ZNF609: variants seen among roughly 807,000 people sequenced by gnomAD.
The protein encoded by ZNF609 is zinc finger protein 609.
In ZNF609, 11 loss-of-function variants were observed where a neutral mutation model predicts 109.5. That is an observed-to-expected ratio of 0.10 (90% CI 0.06 to 0.17). ZNF609 has a LOEUF of 0.17. Ranked by LOEUF, ZNF609 falls within the 10% of genes least tolerant of loss-of-function variation. The pLI, the probability that ZNF609 is intolerant of heterozygous loss-of-function variation, is 1.00. For synonymous variants in ZNF609, 646 were observed against 662.0 expected, an observed-to-expected ratio of 0.98 and a Z score of 0.37; for missense variants, 1,559 against 1,772.4, an observed-to-expected ratio of 0.88 and a Z score of 2.16.
At chr15:64,673,778 A>C in intron 4 of ZNF609, 138 bp from the exon 5 acceptor site, 1 of 1,008,914 alleles carries the variant, frequency 9.9e-7, no homozygotes, top group Non-Finnish European at 1.4e-6. Flanking sequence ...TGCAATTCAC[A>C]ATCAGAATTT....
At chr15:64,604,595 ATGTATGCATATAAATT>A (rs761840559) in intron 2 of ZNF609, among the ~76,000 whole-genome samples, 1 of 152,214 alleles carries the variant, frequency 6.6e-6, no homozygotes, top group Non-Finnish European at 1.5e-5. Flanking sequence ...ACTAAATAAA[ATGTATGCATATAAATT>A]TGTGGGTAAT....
At chr15:64,528,742 A>G in intron 2 of ZNF609, 1 of 982,880 alleles carries the variant, frequency 1.0e-6, no homozygotes. Context: ...CATACCAGGA[A>G]ATTAGCTTGA....
At chr15:64,541,052 T>G (rs1236193831) in intron 2 of ZNF609, among the ~76,000 whole-genome samples, 2 of 148,626 alleles carry the variant, frequency 1.3e-5, no homozygotes, top group African/African-American at 5.0e-5. Flanking sequence ...AAAAAACTTT[T>G]GTGTCTAACA....
At chr15:64,564,883 T>C (rs1036627548) in intron 2 of ZNF609, among the ~76,000 whole-genome samples, 6 of 151,648 alleles carry the variant, frequency 4.0e-5, no homozygotes, top group African/African-American at 1.5e-4. Context: ...AGTCTCGCTC[T>C]GTTGCCCAGG....
At chr15:64,641,274 A>G (rs547370645) in intron 3 of ZNF609, among the ~76,000 whole-genome samples, 31 of 115,794 alleles carry the variant, frequency 2.7e-4, no homozygotes, top group Middle Eastern at 8.5e-3. Context: ...CTGGAGTGCA[A>G]TGGCATGATC....
intron 3 of ZNF609, among the ~76,000 whole-genome samples, chr15:64,667,512 C>T (rs1266777772): frequency 2.0e-5 from 3 of 151,898 alleles, no homozygotes; most frequent in African/African-American, 2.4e-5. Context: ...AGTTCGAGAC[C>T]GGCCTGACCA....
At chr15:64,640,764 C>T (rs1362880509) in intron 3 of ZNF609, among the ~76,000 whole-genome samples, 1 of 152,184 alleles carries the variant, frequency 6.6e-6, no homozygotes, top group African/African-American at 2.4e-5. Context: ...GCTGAGCCAC[C>T]TTCTCCAGCC....
At chr15:64,527,151 C>T (rs1893977759) in intron 2 of ZNF609, among the ~76,000 whole-genome samples, 1 of 151,176 alleles carries the variant, frequency 6.6e-6, no homozygotes, top group Admixed American at 6.6e-5. Flanking sequence ...ATTGGAAATT[C>T]TGTTTAATTC....
intron 2 of ZNF609, among the ~76,000 whole-genome samples, chr15:64,537,727 T>C (rs1339440228): frequency 6.6e-6 from 1 of 152,242 alleles, no homozygotes; most frequent in Admixed American, 6.5e-5. Context: ...GTTTATATAC[T>C]GTGGCCCTTT....
intron 4 of ZNF609, among the ~76,000 whole-genome samples, chr15:64,672,624 C>CA (rs147395815): frequency 0.015 from 1,807 of 121,532 alleles, 43 homozygotes; most frequent in African/African-American, 0.05. Flanking sequence ...CACTCCATCT[C>CA]AAAAAAAAAA....
intron 1 of ZNF609, among the ~76,000 whole-genome samples, chr15:64,478,883 A>G (rs1893209505): frequency 6.6e-6 from 1 of 152,194 alleles, no homozygotes; most frequent in Non-Finnish European, 1.5e-5. Context: ...GATATTGTGA[A>G]TTTTAAAGCC....
intron 2 of ZNF609, among the ~76,000 whole-genome samples, chr15:64,542,748 A>G (rs1008177862): frequency 6.6e-6 from 1 of 151,518 alleles, no homozygotes; most frequent in African/African-American, 2.4e-5. Flanking sequence ...AACAATATCC[A>G]CCCTCCTTCT....
intron 2 of ZNF609, among the ~76,000 whole-genome samples, chr15:64,534,340 C>G (rs1421209169): frequency 6.8e-6 from 1 of 146,392 alleles, no homozygotes; most frequent in Non-Finnish European, 1.5e-5. Flanking sequence ...AAGATAGAGT[C>G]TCGCTCTGTC....
intron 2 of ZNF609, among the ~76,000 whole-genome samples, chr15:64,506,540 G>C (rs1452535435): frequency 1.3e-5 from 2 of 151,182 alleles, no homozygotes; most frequent in Non-Finnish European, 3.0e-5. Context: ...GACCAACATG[G>C]AGAAACCCTG....
intron 2 of ZNF609, among the ~76,000 whole-genome samples, chr15:64,615,488 CT>C (rs11294961): frequency 0.049 from 6,807 of 138,882 alleles, 433 homozygotes; most frequent in African/African-American, 0.16. Flanking sequence ...TGATGACATC[CT>C]TTTTTTTTTT....
intron 3 of ZNF609, among the ~76,000 whole-genome samples, chr15:64,625,815 G>A (rs1365122065): frequency 2.7e-5 from 4 of 146,464 alleles, no homozygotes; most frequent in Admixed American, 6.9e-5. Flanking sequence ...CGTGAACCCA[G>A]GAGGCGGGCC....
intron 2 of ZNF609, among the ~76,000 whole-genome samples, chr15:64,621,176 A>G (rs1022770596): frequency 3.3e-5 from 5 of 152,238 alleles, no homozygotes; most frequent in African/African-American, 1.2e-4. Context: ...GCTGATTAGT[A>G]TCATACTTAA....
chr15:64,521,048 T>C (rs1292449501), intron 2 of ZNF609, among the ~76,000 whole-genome samples: 1 of 151,610 alleles, frequency 6.6e-6, no homozygotes, highest in East Asian at 1.9e-4. Flanking sequence ...TACAGGTGGG[T>C]AGAAAGTCCT....
chr15:64,589,220 G>C (rs538255732), intron 2 of ZNF609, among the ~76,000 whole-genome samples: 71 of 152,208 alleles, frequency 4.7e-4, no homozygotes, highest in African/African-American at 1.5e-3. Flanking sequence ...GAACTCAACT[G>C]ATTTTTTTAA....
Sources: allele counts gnomAD v4.1 joint callset (sites outside exome capture counted in the v4.1 genomes callset), GRCh38; gene constraint gnomAD v4.1.1; transcripts MANE v1.5; gene names NCBI Gene and HGNC (gene_info 2026-07-23, HGNC 2026-07-21).